The following PARP16 variants were observed in gnomAD, a reference collection of about 807,000 sequenced individuals.
The protein encoded by PARP16 is protein mono-ADP-ribosyltransferase PARP16.
A neutral mutation model predicts 35.0 loss-of-function variants in PARP16; 31 were observed. That is an observed-to-expected ratio of 0.88 (90% CI 0.66 to 1.19). PARP16 has a LOEUF of 1.19. Ranked by LOEUF, PARP16 falls within the 50% of genes most tolerant of loss-of-function variation. The pLI is 0.00. For synonymous variants in PARP16, 162 were observed against 169.5 expected (o/e 0.96, Z 0.34); for missense variants, 424 against 411.2 (o/e 1.03, Z -0.27).
At chr15:65,278,559 A>G (rs1320434859) in intron 1 of PARP16, among the ~76,000 whole-genome samples, 1 of 152,148 alleles carries the variant, frequency 6.6e-6, no homozygotes, top group Non-Finnish European at 1.5e-5. Flanking sequence ...GAGGAAAGAG[A>G]GGACCAATGA....
At chr15:65,233,742 TAA>T (rs796305887), downstream of PARP16, among the ~76,000 whole-genome samples, 1 of 117,840 alleles carries the variant, frequency 8.5e-6, no homozygotes, top group African/African-American at 3.2e-5. Flanking sequence ...TCACAAAAAT[TAA>T]AAAAAAAAAA....
chr15:65,241,141 T>A (rs1225422648), intron 3 of PARP16, among the ~76,000 whole-genome samples: 2 of 14,176 alleles, frequency 1.4e-4, no homozygotes, highest in East Asian at 0.14. Flanking sequence ...TGTCCAAACT[T>A]TTTTTTTTTT....
chr15:65,263,095 C>T (rs1008722560), intron 4 of PARP16, 54 bp downstream of exon 4: 232 of 1,533,318 alleles, frequency 1.5e-4, no homozygotes, highest in Non-Finnish European at 2.0e-4. Flanking sequence ...CCAGCAAGAG[C>T]CTGTACACCC....
At chr15:65,261,084 T>C (rs1023562372) in intron 4 of PARP16, 58 bp from the exon 5 acceptor site, 33 of 1,544,392 alleles carry the variant, frequency 2.1e-5, no homozygotes, top group Non-Finnish European at 2.8e-5. Flanking sequence ...AGGAAGCACA[T>C]TATAAATAGA....
chr15:65,238,660 C>T (rs1264938749), intron 3 of PARP16, among the ~76,000 whole-genome samples: 2 of 152,198 alleles, frequency 1.3e-5, no homozygotes, highest in Non-Finnish European at 2.9e-5. Flanking sequence ...GACTCTCATC[C>T]CCCTCCATCC....
At chr15:65,250,370 A>G (rs987211931) in intron 2 of PARP16, among the ~76,000 whole-genome samples, 1 of 151,694 alleles carries the variant, frequency 6.6e-6, no homozygotes, top group African/African-American at 2.4e-5. Flanking sequence ...TGCCCACCTC[A>G]GCCTCCCAAA....
In PARP16 at chr15:65,282,503, T is replaced by A. The variant is rs532951534; in HGVS notation, c.174+3750A>T. 3 of 152,362 alleles carry A rather than the reference T, an allele frequency of 2.0e-5. No individual in the cohort carries two copies. In the East Asian group the frequency reaches 5.8e-4, roughly 29 times the overall value. The allele number at this position is 152,362 out of a possible 1,614,324, so 9.4% of individuals were successfully genotyped here. ...AAACGAGGCCTAAAGTGTGTGTTTA[T>A]CTAAGAATGTATGCATGTCCCCAGA... is the stretch of plus-strand genomic sequence containing the variant. On this transcript the variant is annotated intron_variant, in intron 1 of 5. Transcript: ENST00000649807.
chr15:65,236,368 TTA>T (rs1179796820), intron 3 of PARP16, among the ~76,000 whole-genome samples: 1 of 152,164 alleles, frequency 6.6e-6, no homozygotes, highest in Non-Finnish European at 1.5e-5. Context: ...CCATGAGAAT[TTA>T]TATGACACAT....
intron 4 of PARP16, among the ~76,000 whole-genome samples, chr15:65,262,765 A>G (rs1230625473): frequency 6.6e-6 from 1 of 151,772 alleles, no homozygotes; most frequent in Non-Finnish European, 1.5e-5. Flanking sequence ...AATGAATGAG[A>G]TCTCATTCCT....
chr15:65,238,753 T>G (rs2088958263), intron 3 of PARP16, among the ~76,000 whole-genome samples: 2 of 152,198 alleles, frequency 1.3e-5, no homozygotes, highest in Admixed American at 1.3e-4. Flanking sequence ...TGAGGTATAG[T>G]TGACATGCAA....
At chr15:65,256,119 C>G (rs1347767300), downstream of PARP16, among the ~76,000 whole-genome samples, 3 of 152,174 alleles carry the variant, frequency 2.0e-5, no homozygotes, top group Non-Finnish European at 4.4e-5. Flanking sequence ...CTTTGGCTTC[C>G]ATGACACTTG....
rs1332179256 is a variant in PARP16, at chr15:65,277,636, G to A, written c.175-6564C>T. 2.0e-5 allele frequency among the ~76,000 whole-genome samples: 3 copies of A among 152,330 alleles called. No individual in the cohort carries two copies. The East Asian group carries it at 5.8e-4, about 29-fold the overall frequency. ...GGGGCACACAGCTATTCAGTGGCAG[G>A]GTGGGGATATGAAGCCAGGTGGCCC... On this transcript the variant is annotated intron_variant, in intron 1 of 5. Transcript: ENST00000649807.
In PARP16 at chr15:65,262,667, T is replaced by G. The variant is rs528689635; in HGVS notation, c.691+482A>C. ...ACACGCCAGTGTAGATCGGAGGGTC[T>G]GGACCCAGCATCCTTTGCTTCATTT... On this transcript the variant is annotated intron_variant, in intron 4 of 5. Coordinates refer to ENST00000649807, the MANE Select transcript of PARP16 (RefSeq NM_001316943.2). 1.1e-4 allele frequency among the ~76,000 whole-genome samples: 14 copies of G among 129,640 alleles called. No homozygotes were observed. The East Asian group carries it at 2.9e-3, about 27-fold the overall frequency. 85.0% of individuals were successfully genotyped at this position (129,640 alleles called of 152,430 possible).
At chr15:65,239,675 G>C (rs1274089663) in intron 3 of PARP16, among the ~76,000 whole-genome samples, 130 of 97,448 alleles carry the variant, frequency 1.3e-3, no homozygotes, top group African/African-American at 4.9e-3. Flanking sequence ...TTTTTTTTTT[G>C]AGGCAGAGTC....
chr15:65,264,016 A>G (rs2089818096), intron 3 of PARP16, among the ~76,000 whole-genome samples: 1 of 152,212 alleles, frequency 6.6e-6, no homozygotes, highest in African/African-American at 2.4e-5. Flanking sequence ...AAAATAATAA[A>G]TAAATTAGAA....
intron 1 of PARP16, among the ~76,000 whole-genome samples, chr15:65,277,395 C>A (rs1304842771): frequency 6.6e-6 from 1 of 152,206 alleles, no homozygotes; most frequent in Non-Finnish European, 1.5e-5. Context: ...TCCCTGAGGC[C>A]AACCACATCT....
chr15:65,247,644 C>G (rs1277979777), intron 3 of PARP16, among the ~76,000 whole-genome samples: 1 of 152,062 alleles, frequency 6.6e-6, no homozygotes, highest in Non-Finnish European at 1.5e-5. Flanking sequence ...TCTCACCACC[C>G]CAGCCTGTCT....
At position 65,259,147 on chromosome 15, in the gene PARP16, TC is replaced by T; in HGVS notation, c.*259del. The T allele has an allele frequency of 5.7e-6, 2 of 349,258 alleles. No individual in the cohort carries two copies. The highest frequency in any genetic ancestry group is 5.2e-6 in the Non-Finnish European group (1 of 191,462). The allele number at this position is 349,258 out of a possible 1,614,324, so 21.6% of individuals were successfully genotyped here. On this transcript the variant is annotated 3_prime_UTR_variant, in exon 6 of 6. Transcript: ENST00000649807. Reference sequence around the variant, plus strand: ...CTTTGGCCCTGGCTGAAAAGCCAACTCCCTAGGACAGTTTAAGAAGGAGCAG... The same window carrying T: ...CTTTGGCCCTGGCTGAAAAGCCAACTCCTAGGACAGTTTAAGAAGGAGCAG...
intron 3 of PARP16, among the ~76,000 whole-genome samples, chr15:65,237,008 G>A (rs956615560): frequency 6.6e-5 from 10 of 151,824 alleles, no homozygotes; most frequent in Admixed American, 1.3e-4. Context: ...GAAAAAAGGT[G>A]TGGAAAGCTG....
Sources: gnomAD v4.1 joint callset for allele counts (sites outside exome capture counted in the v4.1 genomes callset) on GRCh38, gnomAD v4.1.1 for gene constraint, MANE v1.5 for transcripts, NCBI Gene and HGNC (gene_info 2026-07-23, HGNC 2026-07-21) for gene names.